Variants in HS6ST2 observed in about 807,000 individuals in gnomAD.
HS6ST2 encodes heparan-sulfate 6-O-sulfotransferase 2.
In HS6ST2, 17 loss-of-function variants were observed where a neutral mutation model predicts 33.0. That is an observed-to-expected ratio of 0.52 (90% confidence interval 0.35 to 0.77). The LOEUF (loss-of-function observed/expected upper bound fraction) is 0.77. HS6ST2 is among the 30% of genes least tolerant of loss of function. HS6ST2 has a pLI of 0.01. For synonymous variants in HS6ST2, 248 were observed against 237.1 expected (o/e 1.05, Z -0.42); for missense variants, 519 against 551.7 (o/e 0.94, Z 0.59).
intron 2 of HS6ST2, among the ~76,000 whole-genome samples, chrX:132,803,004 A>G (rs188790735): frequency 9.7e-4 from 108 of 111,204 alleles, no homozygotes; most frequent in Non-Finnish European, 1.6e-3. Context: ...GGGCTGCTTG[A>G]TGACAGCCAT....
intron 2 of HS6ST2, among the ~76,000 whole-genome samples, chrX:132,890,683 C>A (rs2066300778): frequency 9.1e-6 from 1 of 110,464 alleles, no homozygotes; most frequent in African/African-American, 3.3e-5. Flanking sequence ...ATTGAAAATG[C>A]AGAGACCTAG....
intron 2 of HS6ST2, among the ~76,000 whole-genome samples, chrX:132,937,394 A>G (rs2066835600): frequency 8.9e-6 from 1 of 112,100 alleles, no homozygotes; most frequent in African/African-American, 3.2e-5. Context: ...CCGAAGCAAT[A>G]CTGAGCAAAA....
intron 2 of HS6ST2, among the ~76,000 whole-genome samples, chrX:132,802,597 G>A (rs1358609469): frequency 1.8e-5 from 2 of 110,951 alleles, no homozygotes; most frequent in African/African-American, 6.6e-5. Context: ...CTAAACTTCT[G>A]GGGGAGCTAA....
intron 2 of HS6ST2, among the ~76,000 whole-genome samples, chrX:132,854,231 C>T (rs760010885): frequency 1.8e-5 from 2 of 112,263 alleles, no homozygotes; most frequent in South Asian, 7.5e-4. Context: ...CTACAACATC[C>T]ATCTTTTCAG....
chrX:132,807,786 G>A (rs1192461809), intron 2 of HS6ST2, among the ~76,000 whole-genome samples: 1 of 112,044 alleles, frequency 8.9e-6, no homozygotes, highest in Non-Finnish European at 1.9e-5. Flanking sequence ...AAAAGCAGAG[G>A]GTGCTGGGCA....
chrX:132,723,366 CA>C (rs2064355981), intron 2 of HS6ST2, among the ~76,000 whole-genome samples: 1 of 111,233 alleles, frequency 9.0e-6, no homozygotes, highest in Non-Finnish European at 1.9e-5. Flanking sequence ...AAAGACACAT[CA>C]AAAAAAGAAA....
intron 2 of HS6ST2, among the ~76,000 whole-genome samples, chrX:132,819,846 A>G (rs886393567): frequency 8.9e-6 from 1 of 112,521 alleles, no homozygotes; most frequent in Admixed American, 9.4e-5. Flanking sequence ...CCTTAACGCC[A>G]AGACTGCAAC....
At chrX:132,814,766 C>G (rs147916969) in intron 2 of HS6ST2, among the ~76,000 whole-genome samples, 1 of 111,945 alleles carries the variant, frequency 8.9e-6, no homozygotes, top group South Asian at 3.8e-4. Flanking sequence ...AGGCTCGTCT[C>G]CCAGGACATC....
Position 132,628,469 on chromosome X carries a change from C to G in HS6ST2, c.1692G>C (p.Arg564Ser), listed in dbSNP as rs755385990. Residue 564 changes from arginine (R) to serine (S), a missense_variant, in exon 5 of 5, where the codon AGG (arginine) becomes AGC (serine). By Grantham distance (110) the Arg-to-Ser change is moderately radical. Coordinates refer to ENST00000370833, the MANE Select transcript of HS6ST2 (RefSeq NM_001394073.1). ...RQEQRKFLKG[R>S]LLQTHFQSQG... is the part of the protein sequence containing the mutation. ...GGCTCTGGAAATGGGTCTGAAGGAG[C>G]CTTCCCTTCAGAAATTTGCGTTGTT... 2.3e-5 allele frequency: 28 copies of G among 1,208,505 alleles called. No homozygotes were observed. Among genetic ancestry groups the G allele is most frequent in the African/African-American group, 2.1e-4 (12 of 56,830 alleles).
At position 132,782,393 on chromosome X, in the gene HS6ST2, C is replaced by T. The variant is rs937933814; in HGVS notation, c.948-73899G>A. ...AGATTCAGAGAGACTTTTTAGAAGG[C>T]TCTTGAAAAGAATCCTCACTTAAAG... On this transcript the variant is annotated intron_variant, in intron 2 of 4. Coordinates refer to ENST00000370833, the MANE Select transcript of HS6ST2 (RefSeq NM_001394073.1). Among the ~76,000 whole-genome samples the T allele has an allele frequency of 4.5e-5, 5 of 111,756 alleles. No homozygotes were observed. The East Asian group carries it at 1.4e-3, about 31-fold the overall frequency.
chrX:132,657,001 T>C (rs1229453681), intron 4 of HS6ST2, among the ~76,000 whole-genome samples: 1 of 111,100 alleles, frequency 9.0e-6, no homozygotes, highest in Admixed American at 9.6e-5. Flanking sequence ...TTTATACCTC[T>C]TTTCGTCCTT....
At chrX:132,855,794 G>A (rs1163671973) in intron 2 of HS6ST2, among the ~76,000 whole-genome samples, 3 of 110,736 alleles carry the variant, frequency 2.7e-5, no homozygotes, top group Non-Finnish European at 5.7e-5. Context: ...AATGACTCTC[G>A]CTGTTCCTTG....
At chrX:132,940,890 G>A (rs1477648850) in intron 2 of HS6ST2, among the ~76,000 whole-genome samples, 2 of 111,613 alleles carry the variant, frequency 1.8e-5, no homozygotes, top group Non-Finnish European at 3.8e-5. Context: ...TTTTGTGGTC[G>A]CAGGTTTGTT....
chrX:132,637,878 A>AT (rs1218862211), intron 4 of HS6ST2, among the ~76,000 whole-genome samples: 11,042 of 42,333 alleles, frequency 0.26, 1,459 homozygotes, highest in African/African-American at 0.46. Context: ...TATATATAAT[A>AT]TATATATAAT....
At chrX:132,790,002 T>C (rs1472328795) in intron 2 of HS6ST2, among the ~76,000 whole-genome samples, 2 of 112,424 alleles carry the variant, frequency 1.8e-5, no homozygotes, top group Non-Finnish European at 3.8e-5. Flanking sequence ...CAAGAAAACA[T>C]TTAGAATATT....
chrX:132,891,384 T>A (rs1002397750), intron 2 of HS6ST2, among the ~76,000 whole-genome samples: 6 of 109,547 alleles, frequency 5.5e-5, no homozygotes, highest in East Asian at 5.7e-4. Context: ...TTTTTTATTT[T>A]TTTTTTTATT....
At chrX:132,741,359 G>T (rs189621937) in intron 2 of HS6ST2, among the ~76,000 whole-genome samples, 12 of 108,705 alleles carry the variant, frequency 1.1e-4, no homozygotes, top group Admixed American at 2.0e-4. Flanking sequence ...GAGTACAGTG[G>T]TGTGATCTTG....
chrX:132,675,553 A>G (rs2063918428), intron 3 of HS6ST2, among the ~76,000 whole-genome samples: 1 of 111,355 alleles, frequency 9.0e-6, no homozygotes, highest in Non-Finnish European at 1.9e-5. Context: ...GCTTCTCCCC[A>G]TTCTCCCAGC....
upstream of HS6ST2, chrX:132,961,265 C>G (rs1443710920): frequency 2.7e-5 from 3 of 111,258 alleles, no homozygotes; most frequent in African/African-American, 9.8e-5. Flanking sequence ...GAGGAGAACT[C>G]TGTCATCTGA....
Sources: allele counts gnomAD v4.1 joint callset (sites outside exome capture counted in the v4.1 genomes callset), GRCh38; gene constraint gnomAD v4.1.1; transcripts MANE v1.5; gene names NCBI Gene and HGNC (gene_info 2026-07-23, HGNC 2026-07-21).